Variants in BMPR2 observed in about 807,000 individuals in gnomAD.
BMPR2 encodes bone morphogenetic protein receptor type-2.
In BMPR2, 29 loss-of-function variants were observed where a neutral mutation model predicts 100.8. The observed-to-expected ratio is 0.29, with a 90% CI of 0.21 to 0.39. BMPR2 has a LOEUF of 0.39. BMPR2 is among the 10% of genes least tolerant of loss of function. BMPR2 has a pLI of 1.00. For synonymous variants in BMPR2, 382 were observed against 442.3 expected, an observed-to-expected ratio of 0.86 and a Z score of 1.71; for missense variants, 1,011 against 1,274.5, an observed-to-expected ratio of 0.79 and a Z score of 3.15.
chr2:202,383,514 C>T (rs962662649), intron 1 of BMPR2, among the ~76,000 whole-genome samples: 2 of 152,108 alleles, frequency 1.3e-5, no homozygotes, highest in African/African-American at 4.8e-5. Flanking sequence ...AACCCTGTCT[C>T]TACTAAAAAT....
In BMPR2 at chr2:202,532,663, C is replaced by G; in HGVS notation, c.1207C>G (p.Gln403Glu). ...GAGGGACTGTGAATCAGCTTTGAAA[C>G]AAGTAGACATGTATGCTCTTGGACT... ...NLRDCESALK[Q>E]VDMYALGLIY... The change falls in exon 9 of 13, where the codon CAA (glutamine) becomes GAA (glutamate). Residue 403 changes from glutamine (Q) to glutamate (E), a missense_variant. By Grantham distance (29) the Gln-to-Glu change is conservative. Transcript: ENST00000374580. The surrounding 1 kb of genome is among the most constrained non-coding windows in gnomAD (Gnocchi z 4.1). 2 of 1,613,768 alleles carry G rather than the reference C, an allele frequency of 1.2e-6. No individual in the cohort carries two copies. The highest frequency in any genetic ancestry group is 1.7e-6 in the Non-Finnish European group (2 of 1,179,824).
At chr2:202,434,280 G>A (rs576950946) in intron 1 of BMPR2, among the ~76,000 whole-genome samples, 1 of 150,686 alleles carries the variant, frequency 6.6e-6, no homozygotes, top group Admixed American at 6.6e-5. Context: ...TGAAGACAGG[G>A]CATAATTAAA....
At chr2:202,396,861 G>T (rs901367816) in intron 1 of BMPR2, among the ~76,000 whole-genome samples, 1 of 151,604 alleles carries the variant, frequency 6.6e-6, no homozygotes, top group African/African-American at 2.4e-5. Context: ...GCAGTGGCGC[G>T]ATCTCGGCTC....
At chr2:202,452,678 A>G (rs1692012851) in intron 1 of BMPR2, among the ~76,000 whole-genome samples, 1 of 152,240 alleles carries the variant, frequency 6.6e-6, no homozygotes, top group Non-Finnish European at 1.5e-5. Flanking sequence ...GAAGTACATC[A>G]ATAATTTACT....
intron 3 of BMPR2, among the ~76,000 whole-genome samples, chr2:202,509,061 G>C (rs554526253): frequency 1.3e-5 from 2 of 152,076 alleles, no homozygotes; most frequent in Non-Finnish European, 1.5e-5. Context: ...TTTTGCATCT[G>C]TTTTTCTTTT....
intron 1 of BMPR2, among the ~76,000 whole-genome samples, chr2:202,395,804 C>T (rs542450187): frequency 1.1e-4 from 16 of 152,126 alleles, no homozygotes; most frequent in African/African-American, 3.6e-4. Flanking sequence ...GGCATGGGGG[C>T]GGGAGCCTAT....
At position 202,518,846 on chromosome 2, in the gene BMPR2, G is replaced by A. The variant is rs1320458644; in HGVS notation, c.646G>A (p.Ala216Thr). The A allele has an allele frequency of 6.2e-7, 1 of 1,614,210 alleles. No individual in the cohort carries two copies. The part of the protein sequence containing the change: ...LELIGRGRYG[A>T]VYKGSLDERP... ...GCTGATTGGCCGAGGTCGATATGGAGCAGTATATAAAGGCTCCTTGGATGA... is the reference window on the plus strand; with the variant it reads ...GCTGATTGGCCGAGGTCGATATGGAACAGTATATAAAGGCTCCTTGGATGA... Residue 216 changes from alanine (A) to threonine (T), a missense_variant, in exon 6 of 13, where the codon GCA (alanine) becomes ACA (threonine). Physicochemically the swap from Ala to Thr is moderately conservative, Grantham distance 58. Around this residue, in one of 6 missense-constraint regions of BMPR2, gnomAD observed 355 missense variants for 455.3 expected, o/e 0.78. Coordinates refer to ENST00000374580, the MANE Select transcript of BMPR2 (RefSeq NM_001204.7).
chr2:202,454,559 G>T (rs1692053468), intron 1 of BMPR2, among the ~76,000 whole-genome samples: 1 of 152,086 alleles, frequency 6.6e-6, no homozygotes, highest in Non-Finnish European at 1.5e-5. Flanking sequence ...CTTGTTACTT[G>T]TTATCTAGTA....
intron 1 of BMPR2, among the ~76,000 whole-genome samples, chr2:202,388,420 A>C (rs916396239): frequency 2.0e-5 from 3 of 148,684 alleles, no homozygotes; most frequent in Non-Finnish European, 4.5e-5. Flanking sequence ...AAAAAAAAAA[A>C]CATTGTTTGT....
intron 3 of BMPR2, among the ~76,000 whole-genome samples, chr2:202,490,600 C>G (rs1172198058): frequency 1.3e-5 from 2 of 152,046 alleles, no homozygotes; most frequent in East Asian, 3.8e-4. Flanking sequence ...GTTTTAAAAC[C>G]AAGATAGAGT....
chr2:202,538,793 C>CAAAA (rs34853164), intron 9 of BMPR2, among the ~76,000 whole-genome samples: 2 of 60,318 alleles, frequency 3.3e-5, no homozygotes, highest in Non-Finnish European at 3.3e-5. Context: ...GACTCTGTCT[C>CAAAA]AAAAAAAAAA....
At chr2:202,539,677 A>G (rs1185200886) in intron 9 of BMPR2, among the ~76,000 whole-genome samples, 1 of 152,118 alleles carries the variant, frequency 6.6e-6, no homozygotes, top group Admixed American at 6.5e-5. Context: ...GAAATGCTAC[A>G]AAGTTTAAAT....
chr2:202,410,512 CATAGA>C (rs1690991478), intron 1 of BMPR2, among the ~76,000 whole-genome samples: 1 of 152,062 alleles, frequency 6.6e-6, no homozygotes, highest in Non-Finnish European at 1.5e-5. Flanking sequence ...GATTCGAATC[CATAGA>C]ATATAATAAA....
At chr2:202,384,564 C>CTT (rs1426751018) in intron 1 of BMPR2, among the ~76,000 whole-genome samples, 4,644 of 28,596 alleles carry the variant, frequency 0.16, 87 homozygotes, top group South Asian at 0.24. Context: ...TTCTTTCTTT[C>CTT]TTTCTTTTTC....
intron 1 of BMPR2, among the ~76,000 whole-genome samples, chr2:202,379,024 A>G (rs1385466181): frequency 6.6e-6 from 1 of 152,224 alleles, no homozygotes; most frequent in African/African-American, 2.4e-5. Context: ...TTATTTAAAA[A>G]TAAACTTAAT....
intron 1 of BMPR2, among the ~76,000 whole-genome samples, chr2:202,424,338 C>T (rs1691337115): frequency 6.6e-6 from 1 of 151,512 alleles, no homozygotes; most frequent in Non-Finnish European, 1.5e-5. Context: ...TGTGCCACTG[C>T]ACTTCAGCCT....
At chr2:202,455,538 G>A (rs554361997) in intron 1 of BMPR2, among the ~76,000 whole-genome samples, 6 of 152,278 alleles carry the variant, frequency 3.9e-5, no homozygotes, top group East Asian at 1.9e-4. Context: ...CACAAAAGAC[G>A]TTAGTCTTAT....
In BMPR2 at chr2:202,377,078, C is replaced by T. The variant is rs1465991907; in HGVS notation, c.-397C>T. 4 of 533,914 alleles carry T rather than the reference C, an allele frequency of 7.5e-6. No homozygotes were observed. The highest frequency in any genetic ancestry group is 2.9e-5 in the South Asian group (1 of 35,054). 33.1% of individuals were successfully genotyped at this position (533,914 alleles called of 1,614,324 possible). A position where few individuals can be genotyped will look rare whatever the true frequency, so the allele number is the denominator to read the frequency against. ...CTAGTTCTGACCCTCGCCCCCCGAC[C>T]CCGGATCGAATCCCCGCCCTCCGCA... On this transcript the variant is annotated 5_prime_UTR_variant, in exon 1 of 13. Transcript: ENST00000374580.
intron 1 of BMPR2, among the ~76,000 whole-genome samples, chr2:202,384,749 A>G (rs574909213): frequency 6.6e-6 from 1 of 151,884 alleles, no homozygotes; most frequent in South Asian, 2.1e-4. Context: ...ATGCACTACC[A>G]CACCCAGCTA....
Sources: gnomAD v4.1 joint callset for allele counts (sites outside exome capture counted in the v4.1 genomes callset) on GRCh38, gnomAD v4.1.1 for gene constraint, gnomAD v4.1.1 regional missense constraint, Gnocchi (gnomAD v3.1) non-coding constraint, MANE v1.5 for transcripts, NCBI Gene and HGNC (gene_info 2026-07-23, HGNC 2026-07-21) for gene names.